LCORL: variants seen among roughly 807,000 people sequenced by gnomAD.
The protein encoded by LCORL is ligand dependent nuclear receptor corepressor like.
LCORL carries 41 observed loss-of-function variants against 141.8 expected under a neutral mutation model. That is an observed-to-expected ratio of 0.29 (90% confidence interval 0.23 to 0.38). The LOEUF (loss-of-function observed/expected upper bound fraction) is 0.38. LCORL is among the 10% of genes least tolerant of loss of function. The pLI, the probability that LCORL is intolerant of heterozygous loss-of-function variation, is 1.00. For synonymous variants in LCORL, 618 were observed against 694.1 expected (o/e 0.89, Z 1.72); for missense variants, 1,759 against 2,035.0 (o/e 0.86, Z 2.61).
At position 17,861,614 on chromosome 4, in the gene LCORL, G is replaced by A. The variant is rs145321137; in HGVS notation, c.5602+11774C>T. The stretch of plus-strand genomic sequence containing the variant: ...CTCATTAGTTATGCAAATTTCTGTA[G>A]CCAGCTTGAATTTCTCCTCAGAAAA... On this transcript the variant is annotated intron_variant, in intron 7 of 7. Coordinates refer to ENST00000635767, the Ensembl canonical transcript of LCORL. Among the ~76,000 whole-genome samples the A allele has an allele frequency of 3.9e-3, 597 of 152,248 alleles. 15 individuals are homozygous for A. The East Asian group carries it at 0.058, about 15-fold the overall frequency.
At chr4:17,998,026 A>G (rs564753556) in intron 1 of LCORL, among the ~76,000 whole-genome samples, 1 of 152,230 alleles carries the variant, frequency 6.6e-6, no homozygotes, top group Non-Finnish European at 1.5e-5. Flanking sequence ...ACAAACCTAA[A>G]TAGAAGAGCC....
exon 8 of LCORL, chr4:17,842,212 T>C: frequency 2.0e-6 from 2 of 982,740 alleles, no homozygotes. Flanking sequence ...GAAAGGATTG[T>C]TGTGTTGAAG....
At chr4:17,992,240 G>A (rs1163978970) in intron 1 of LCORL, among the ~76,000 whole-genome samples, 2 of 152,160 alleles carry the variant, frequency 1.3e-5, no homozygotes, top group African/African-American at 4.8e-5. Context: ...GGCAGCAGGA[G>A]AGAGATGTGC....
intron 5 of LCORL, among the ~76,000 whole-genome samples, chr4:17,888,309 G>A (rs750982112): frequency 1.3e-5 from 2 of 152,068 alleles, no homozygotes; most frequent in South Asian, 2.1e-4. Flanking sequence ...AGAGTATCTC[G>A]AAAAATTATT....
intron 4 of LCORL, among the ~76,000 whole-genome samples, chr4:17,938,494 G>A (rs1737270131): frequency 6.8e-6 from 1 of 146,910 alleles, no homozygotes; most frequent in Admixed American, 6.9e-5. Flanking sequence ...TCGGCTCACT[G>A]CAACCTCTGC....
intron 6 of LCORL, chr4:17,881,525 C>T: frequency 1.1e-6 from 1 of 889,802 alleles, no homozygotes; most frequent in Non-Finnish European, 1.3e-6. Flanking sequence ...TACTAAAATG[C>T]TGCAAATTAA....
intron 7 of LCORL, among the ~76,000 whole-genome samples, chr4:17,863,160 A>G (rs1417429486): frequency 6.6e-6 from 1 of 152,176 alleles, no homozygotes; most frequent in African/African-American, 2.4e-5. Context: ...TACTAAAGAT[A>G]CAATAATTAG....
At chr4:18,009,702 C>T (rs2109864573) in intron 1 of LCORL, among the ~76,000 whole-genome samples, 1 of 152,238 alleles carries the variant, frequency 6.6e-6, no homozygotes, top group African/African-American at 2.4e-5. Flanking sequence ...AGATGTCCTC[C>T]TTGCTGGGAC....
At chr4:17,976,058 TCTA>T (rs1484002880) in intron 1 of LCORL, among the ~76,000 whole-genome samples, 2 of 152,192 alleles carry the variant, frequency 1.3e-5, no homozygotes, top group African/African-American at 4.8e-5. Context: ...TTCTATTGTG[TCTA>T]CTGTTATATC....
At chr4:17,930,530 A>T (rs372310248) in intron 4 of LCORL, among the ~76,000 whole-genome samples, 217 of 152,378 alleles carry the variant, frequency 1.4e-3, no homozygotes, top group African/African-American at 5.0e-3. Flanking sequence ...CATTTAAAAA[A>T]TACATCAATT....
At chr4:17,942,227 G>A (rs1226386980) in intron 4 of LCORL, among the ~76,000 whole-genome samples, 1 of 152,046 alleles carries the variant, frequency 6.6e-6, no homozygotes, top group Admixed American at 6.6e-5. Context: ...CCAAATAAGG[G>A]TAAAAAGTCA....
chr4:18,017,330 T>C (rs1428707930), intron 1 of LCORL, among the ~76,000 whole-genome samples: 1 of 152,164 alleles, frequency 6.6e-6, no homozygotes, highest in Non-Finnish European at 1.5e-5. Flanking sequence ...ACTTTGATTA[T>C]ACTATGTAAA....
intron 5 of LCORL, among the ~76,000 whole-genome samples, chr4:17,889,404 G>GAA (rs985391072): frequency 1.3e-5 from 2 of 151,952 alleles, no homozygotes; most frequent in African/African-American, 4.8e-5. Context: ...TAGTGAAAAT[G>GAA]AAAAATGTAC....
chr4:17,896,205 T>C (rs572905862), intron 5 of LCORL, among the ~76,000 whole-genome samples: 2 of 152,290 alleles, frequency 1.3e-5, no homozygotes, highest in East Asian at 1.9e-4. Flanking sequence ...ACTTCTTGTA[T>C]CTTTTAGATT....
At chr4:17,933,455 T>C (rs1440488081) in intron 4 of LCORL, among the ~76,000 whole-genome samples, 1 of 152,098 alleles carries the variant, frequency 6.6e-6, no homozygotes, top group African/African-American at 2.4e-5. Flanking sequence ...TCAAATCTAT[T>C]CTCCTTTGAA....
exon 8 of LCORL, chr4:17,845,677 A>T (rs768063361): frequency 2.1e-6 from 3 of 1,405,724 alleles, no homozygotes; most frequent in Non-Finnish European, 9.9e-7. Context: ...GTTCAGAAGG[A>T]ATACTGACAT....
At chr4:18,017,712 T>C (rs1402197890) in intron 1 of LCORL, among the ~76,000 whole-genome samples, 1 of 151,992 alleles carries the variant, frequency 6.6e-6, no homozygotes, top group Non-Finnish European at 1.5e-5. Flanking sequence ...AATTACCAAA[T>C]GTAATGCATG....
intron 7 of LCORL, among the ~76,000 whole-genome samples, chr4:17,869,765 T>C (rs934583931): frequency 1.3e-5 from 2 of 152,128 alleles, no homozygotes; most frequent in Non-Finnish European, 2.9e-5. Flanking sequence ...TTAGGAAGCA[T>C]ATCCATAACT....
chr4:17,942,621 G>A lies in LCORL; in HGVS notation c.430+19282C>T, dbSNP rs935900423. Among the ~76,000 whole-genome samples the A allele has an allele frequency of 2.6e-5, 4 of 152,128 alleles. No homozygotes were observed. The South Asian group carries it at 8.3e-4, about 32-fold the overall frequency. The stretch of plus-strand genomic sequence containing the variant: ...TAGAGATCATCTTTCATTTTTATAA[G>A]TTACTAAAAATCAATTATCAAAACT... On this transcript the variant is annotated intron_variant, in intron 4 of 7. Transcript: ENST00000635767.
Sources: allele counts gnomAD v4.1 joint callset (sites outside exome capture counted in the v4.1 genomes callset), GRCh38; gene constraint gnomAD v4.1.1; transcripts MANE v1.5; gene names NCBI Gene and HGNC (gene_info 2026-07-23, HGNC 2026-07-21).